The following CAMTA1 variants were observed in gnomAD, a reference collection of about 807,000 sequenced individuals.
The protein encoded by CAMTA1 is calmodulin-binding transcription activator 1.
CAMTA1 carries 27 observed loss-of-function variants against 170.9 expected under a neutral mutation model. That is an observed-to-expected ratio of 0.16 (90% confidence interval 0.12 to 0.22). The LOEUF (loss-of-function observed/expected upper bound fraction) is 0.22. Among genes scored for constraint, CAMTA1 ranks in the 10% least tolerant of loss-of-function variants. The pLI is 1.00. For synonymous variants in CAMTA1, 833 were observed against 891.5 expected (o/e 0.93, Z 1.17); for missense variants, 1,619 against 2,217.2 (o/e 0.73, Z 5.42).
At chr1:7,630,212 C>G (rs930799536) in intron 6 of CAMTA1, among the ~76,000 whole-genome samples, 2 of 152,214 alleles carry the variant, frequency 1.3e-5, no homozygotes, top group Admixed American at 6.5e-5. Context: ...CCCCTCTCAG[C>G]CTTTGGGTGG....
At chr1:6,884,770 A>T (rs1346350990) in intron 3 of CAMTA1, among the ~76,000 whole-genome samples, 1 of 152,232 alleles carries the variant, frequency 6.6e-6, no homozygotes, top group Non-Finnish European at 1.5e-5. Context: ...TAGTGCTAAA[A>T]TCCTGGGAAT....
chr1:7,417,161 C>A (rs1234046726), intron 5 of CAMTA1, among the ~76,000 whole-genome samples: 3 of 152,266 alleles, frequency 2.0e-5, no homozygotes, highest in Non-Finnish European at 4.4e-5. Flanking sequence ...GAGTACCCGG[C>A]CGTGTGAGGT....
intron 6 of CAMTA1, among the ~76,000 whole-genome samples, chr1:7,559,005 T>C (rs887976107): frequency 8.5e-5 from 13 of 152,118 alleles, no homozygotes; most frequent in Admixed American, 8.5e-4. Context: ...CAGGGTCACT[T>C]TGGGAGAGGA....
chr1:7,601,324 G>A lies in CAMTA1; in HGVS notation c.511-39076G>A, dbSNP rs542016189. Among the ~76,000 whole-genome samples, 12 of 151,668 alleles carry A rather than the reference G, an allele frequency of 7.9e-5. No homozygotes were observed. In the South Asian group the frequency reaches 2.3e-3, roughly 29 times the overall value. On this transcript the variant is annotated intron_variant, in intron 6 of 22. Coordinates refer to ENST00000303635, the MANE Select transcript of CAMTA1 (RefSeq NM_015215.4). Reference sequence around the variant, plus strand: ...TCAGACGGTGCGGCCGGGCAGAGACGCTCCTCACATCCCAGACGGGGCGGC... The same window carrying A: ...TCAGACGGTGCGGCCGGGCAGAGACACTCCTCACATCCCAGACGGGGCGGC...
intron 3 of CAMTA1, among the ~76,000 whole-genome samples, chr1:6,945,693 C>T (rs1436632133): frequency 6.6e-6 from 1 of 152,072 alleles, no homozygotes; most frequent in Admixed American, 6.6e-5. Context: ...GCCTAGGCAA[C>T]CATTTTCTGT....
chr1:7,554,284 G>A (rs544784567), intron 6 of CAMTA1, among the ~76,000 whole-genome samples: 2 of 152,254 alleles, frequency 1.3e-5, no homozygotes, highest in East Asian at 3.9e-4. Context: ...TCTCTACCCT[G>A]CACTCCTTCA....
At chr1:7,384,184 G>A (rs1040079495) in intron 5 of CAMTA1, among the ~76,000 whole-genome samples, 3 of 152,228 alleles carry the variant, frequency 2.0e-5, no homozygotes, top group Non-Finnish European at 2.9e-5. Flanking sequence ...GGAATGGAGC[G>A]AAAGATGGCT....
At chr1:7,724,142 G>A (rs1371585729) in intron 11 of CAMTA1, among the ~76,000 whole-genome samples, 1 of 152,198 alleles carries the variant, frequency 6.6e-6, no homozygotes, top group South Asian at 2.1e-4. Flanking sequence ...ATCTTGAAAA[G>A]TAAAGGAATA....
intron 6 of CAMTA1, among the ~76,000 whole-genome samples, chr1:7,508,054 G>A (rs2094146956): frequency 6.6e-6 from 1 of 152,262 alleles, no homozygotes; most frequent in Non-Finnish European, 1.5e-5. Context: ...CAAACAGGGA[G>A]CGAAGCCCTC....
intron 6 of CAMTA1, among the ~76,000 whole-genome samples, chr1:7,623,324 G>A (rs2095611688): frequency 6.6e-6 from 1 of 152,166 alleles, no homozygotes; most frequent in Non-Finnish European, 1.5e-5. Flanking sequence ...CAAAGCAAGT[G>A]CCACAGTTAC....
At chr1:7,687,131 A>C (rs1210373000) in intron 11 of CAMTA1, among the ~76,000 whole-genome samples, 1 of 151,774 alleles carries the variant, frequency 6.6e-6, no homozygotes, top group Non-Finnish European at 1.5e-5. Flanking sequence ...CCTAGGTCTG[A>C]GCACGAAGAC....
intron 3 of CAMTA1, among the ~76,000 whole-genome samples, 154 bp downstream of exon 3, chr1:6,825,364 A>AC (rs1169799036): frequency 6.6e-6 from 1 of 152,208 alleles, no homozygotes; most frequent in African/African-American, 2.4e-5. Flanking sequence ...ACAGAAACCA[A>AC]CCAACATGTT....
chr1:7,526,431 A>C (rs576046905), intron 6 of CAMTA1, among the ~76,000 whole-genome samples: 1 of 151,416 alleles, frequency 6.6e-6, no homozygotes, highest in Admixed American at 6.6e-5. Context: ...GAGGCTGGCC[A>C]TGGGCCTCCC....
chr1:7,034,745 C>A (rs765674275), intron 3 of CAMTA1, among the ~76,000 whole-genome samples: 1 of 152,120 alleles, frequency 6.6e-6, no homozygotes, highest in Non-Finnish European at 1.5e-5. Context: ...CTGACCTCGC[C>A]GTTCTTCACT....
chr1:6,983,203 C>A (rs763576685), intron 3 of CAMTA1, among the ~76,000 whole-genome samples: 3 of 152,150 alleles, frequency 2.0e-5, no homozygotes, highest in Non-Finnish European at 2.9e-5. Flanking sequence ...GTGCGGGGAA[C>A]CTTACATTCC....
chr1:6,955,722 C>T (rs769418806), intron 3 of CAMTA1, among the ~76,000 whole-genome samples: 1 of 152,070 alleles, frequency 6.6e-6, no homozygotes, highest in Non-Finnish European at 1.5e-5. Flanking sequence ...TTAGTGAACA[C>T]GTGTCTAGCT....
chr1:6,785,569 C>T lies in CAMTA1; in HGVS notation c.39C>T (p.Ser13=), dbSNP rs1174522704. 2 of 1,071,042 alleles carry T rather than the reference C, an allele frequency of 1.9e-6. No individual in the cohort carries two copies. Among genetic ancestry groups the T allele is most frequent in the South Asian group, 5.8e-5 (2 of 34,586 alleles). The allele number at this position is 1,071,042 out of a possible 1,614,324, so 66.3% of individuals were successfully genotyped here. Residue 13 remains serine (S), a synonymous_variant, in exon 1 of 23, where the codon AGC becomes AGT. Coordinates refer to ENST00000303635, the MANE Select transcript of CAMTA1 (RefSeq NM_015215.4). ...AGGGGAAATGGCTGCCGAAAACAAGCCGGAAGGTAAGAGCCGGAGCGCGAG... is the reference window on the plus strand; with the variant it reads ...AGGGGAAATGGCTGCCGAAAACAAGTCGGAAGGTAAGAGCCGGAGCGCGAG... ...RAEGKWLPKT[S]RKSVSQSVFC...
chr1:7,483,160 C>T (rs1049444001), intron 6 of CAMTA1, among the ~76,000 whole-genome samples: 1 of 152,132 alleles, frequency 6.6e-6, no homozygotes, highest in Non-Finnish European at 1.5e-5. Flanking sequence ...TATTTGAGAG[C>T]AGGAAAGAGG....
At chr1:7,661,540 G>T (rs919107428) in intron 7 of CAMTA1, among the ~76,000 whole-genome samples, 186 bp from the exon 8 acceptor site, 4 of 152,162 alleles carry the variant, frequency 2.6e-5, no homozygotes, top group Non-Finnish European at 5.9e-5. Context: ...GGAGCAGGGG[G>T]TCTGGCGGGG....
Sources: gnomAD v4.1 joint callset for allele counts (sites outside exome capture counted in the v4.1 genomes callset) on GRCh38, gnomAD v4.1.1 for gene constraint, MANE v1.5 for transcripts, NCBI Gene and HGNC (gene_info 2026-07-23, HGNC 2026-07-21) for gene names.